Variants in MFAP1 observed in about 807,000 individuals in gnomAD.
MFAP1 encodes microfibrillar-associated protein 1.
Under a neutral mutation model 62.2 loss-of-function variants are expected in MFAP1, and 18 were observed. That is an observed-to-expected ratio of 0.29 (90% CI 0.20 to 0.43). The LOEUF (loss-of-function observed/expected upper bound fraction) is 0.43, where lower values mean the gene tolerates loss of function less well. MFAP1 is among the 20% of genes least tolerant of loss of function. MFAP1 has a pLI of 1.00. For synonymous variants in MFAP1, 175 were observed against 180.4 expected (o/e 0.97, Z 0.24); for missense variants, 355 against 559.7 (o/e 0.63, Z 3.69).
At chr15:43,819,233 G>T (rs1366232469) in intron 1 of MFAP1, among the ~76,000 whole-genome samples, 2 of 151,976 alleles carry the variant, frequency 1.3e-5, no homozygotes, top group African/African-American at 4.8e-5. Flanking sequence ...AAAAAAAAAT[G>T]TACATAGATA....
At chr15:43,822,635 A>G (rs1386419038) in intron 1 of MFAP1, among the ~76,000 whole-genome samples, 1 of 152,028 alleles carries the variant, frequency 6.6e-6, no homozygotes, top group Non-Finnish European at 1.5e-5. Context: ...CGGCCTCCCA[A>G]AGTGCTGGGA....
chr15:43,819,708 T>A (rs762570746), intron 1 of MFAP1, among the ~76,000 whole-genome samples: 11 of 152,054 alleles, frequency 7.2e-5, no homozygotes, highest in Non-Finnish European at 1.3e-4. Flanking sequence ...ATTTGTGTAT[T>A]TTTTAGTAAA....
Position 43,814,686 on chromosome 15 carries a change from T to C in MFAP1, c.432A>G (p.Glu144=), listed in dbSNP as rs1161076197. 3.1e-6 allele frequency: 5 copies of C among 1,613,730 alleles called. No homozygotes were observed. Among genetic ancestry groups the C allele is most frequent in the Non-Finnish European group, 4.2e-6 (5 of 1,179,828 alleles). Residue 144 remains glutamate, a splice_region_variant and synonymous_variant, in exon 4 of 9, where the codon GAA becomes GAG. Transcript: ENST00000267812. ...GCATCATGCCACGCCGCCGCTCTAT[T>C]TCCTATCAAGTCATATATATAAGCC... is the stretch of plus-strand genomic sequence containing the variant. ...EEEEEEIDDE[E]IERRRGMMRQ... is the part of the protein sequence containing the mutation.
At position 43,809,932 on chromosome 15, in the gene MFAP1, C is replaced by A. The variant is rs1486720351; in HGVS notation, c.888-18G>T. On this transcript the variant is annotated intron_variant, in intron 6 of 8. Coordinates refer to ENST00000267812, the MANE Select transcript of MFAP1 (RefSeq NM_005926.3). The stretch of plus-strand genomic sequence containing the variant: ...TCTCAAGCCTGTCCAGGGAGCAAAA[C>A]AATTTATTGGTACTGTTACAGCTTC... 1 of 1,613,690 alleles carries A rather than the reference C, an allele frequency of 6.2e-7. No homozygotes were observed. Among genetic ancestry groups the A allele is most frequent in the East Asian group, 2.2e-5 (1 of 44,886 alleles).
chr15:43,824,324 C>A (rs2087485500), intron 1 of MFAP1, among the ~76,000 whole-genome samples, 167 bp downstream of exon 1: 1 of 151,922 alleles, frequency 6.6e-6, no homozygotes, highest in South Asian at 2.1e-4. Context: ...GAGCAGGCCA[C>A]AGGAACAAGA....
intron 7 of MFAP1, among the ~76,000 whole-genome samples, chr15:43,808,702 T>C (rs1015076889): frequency 2.0e-5 from 3 of 152,354 alleles, no homozygotes; most frequent in Middle Eastern, 3.4e-3. Context: ...GCTAATCAGA[T>C]AGACCTGAAA....
At chr15:43,817,679 G>C (rs187507472) in intron 1 of MFAP1, among the ~76,000 whole-genome samples, 57 of 152,268 alleles carry the variant, frequency 3.7e-4, no homozygotes, top group African/African-American at 1.3e-3. Flanking sequence ...GGCTTACCTT[G>C]AGTACAATGA....
intron 1 of MFAP1, among the ~76,000 whole-genome samples, chr15:43,818,822 A>G (rs1247775602): frequency 2.0e-5 from 3 of 152,160 alleles, no homozygotes; most frequent in Admixed American, 6.6e-5. Flanking sequence ...CAGGAGGTTG[A>G]GGCTGCGGCA....
At chr15:43,805,345 TTC>T (rs2087356174) in intron 8 of MFAP1, 29 bp downstream of exon 8, 8 of 1,604,672 alleles carry the variant, frequency 5.0e-6, no homozygotes, top group Middle Eastern at 1.7e-4. Flanking sequence ...TACATCACTT[TTC>T]TCTGTCATGT....
chr15:43,817,191 G>C (rs1375379141), intron 2 of MFAP1, 38 bp downstream of exon 2: 1 of 1,557,676 alleles, frequency 6.4e-7, no homozygotes, highest in Non-Finnish European at 8.8e-7. Flanking sequence ...TTAAGCTGTA[G>C]AGGTTCATGT....
intron 1 of MFAP1, among the ~76,000 whole-genome samples, chr15:43,820,161 C>A (rs1267192520): frequency 6.6e-6 from 1 of 151,392 alleles, no homozygotes; most frequent in African/African-American, 2.4e-5. Flanking sequence ...AAACAAAAAA[C>A]CAAAAAATTA....
intron 1 of MFAP1, among the ~76,000 whole-genome samples, chr15:43,817,727 T>TCC (rs765384841): frequency 6.7e-6 from 1 of 149,974 alleles, no homozygotes; most frequent in Non-Finnish European, 1.5e-5. Flanking sequence ...TAGAAAAAAG[T>TCC]CCCCCCCCAA....
intron 4 of MFAP1, 42 bp downstream of exon 4, chr15:43,814,459 T>C (rs755144190): frequency 6.4e-7 from 1 of 1,550,622 alleles, no homozygotes; most frequent in Non-Finnish European, 8.7e-7. Flanking sequence ...GCCTGGAAAG[T>C]GGTAATTAAG....
chr15:43,806,174 A>G (rs923801371), intron 7 of MFAP1, among the ~76,000 whole-genome samples: 9 of 152,116 alleles, frequency 5.9e-5, no homozygotes, highest in Admixed American at 2.6e-4. Flanking sequence ...TCTGCACTCA[A>G]TGTGTTTGTT....
chr15:43,809,734 G>A (rs1164603071), intron 7 of MFAP1, 21 bp downstream of exon 7: 2 of 1,605,906 alleles, frequency 1.2e-6, no homozygotes, highest in South Asian at 1.1e-5. Context: ...CCAATTTTCT[G>A]ACTCTCTTTT....
chr15:43,821,993 G>T (rs992498013), intron 1 of MFAP1, among the ~76,000 whole-genome samples: 1 of 151,932 alleles, frequency 6.6e-6, no homozygotes, highest in African/African-American at 2.4e-5. Context: ...ATGGGGAAAC[G>T]TATACTATAG....
At chr15:43,813,442 A>G in intron 4 of MFAP1, 85 bp from the exon 5 acceptor site, 3 of 1,263,486 alleles carry the variant, frequency 2.4e-6, no homozygotes, top group Non-Finnish European at 3.3e-6. Flanking sequence ...TCCAAATCAG[A>G]CAAAAACCAA....
chr15:43,805,223 T>C lies in MFAP1; in HGVS notation c.1191A>G (p.Gln397=). The change falls in exon 9 of 9, where the codon CAA becomes CAG. Residue 397 remains glutamine, a synonymous_variant. Transcript: ENST00000267812. Reference sequence around the variant, plus strand: ...AAGCTGAGTCAAAGGAGGTGGTATCTTGATCCACAAGGTGAGTGTATTTGG... The same window carrying C: ...AAGCTGAGTCAAAGGAGGTGGTATCCTGATCCACAAGGTGAGTGTATTTGG... ...GRTKYTHLVD[Q]DTTSFDSAWG... The C allele has an allele frequency of 6.2e-7, 1 of 1,601,498 alleles. No individual in the cohort carries two copies. Among genetic ancestry groups the C allele is most frequent in the South Asian group, 1.1e-5 (1 of 90,858 alleles).
At chr15:43,817,185 G>T in intron 2 of MFAP1, 44 bp downstream of exon 2, 1 of 1,521,816 alleles carries the variant, frequency 6.6e-7, no homozygotes, top group Non-Finnish European at 9.1e-7. Context: ...TTATTATTAA[G>T]CTGTAGAGGT....
Sources: allele counts gnomAD v4.1 joint callset (sites outside exome capture counted in the v4.1 genomes callset), GRCh38; gene constraint gnomAD v4.1.1; transcripts MANE v1.5; gene names NCBI Gene and HGNC (gene_info 2026-07-23, HGNC 2026-07-21).